GRIP1: variants seen among roughly 807,000 people sequenced by gnomAD.
GRIP1 encodes the protein glutamate receptor interacting protein 1.
GRIP1 carries 45 observed loss-of-function variants against 129.9 expected under a neutral mutation model. The observed-to-expected ratio is 0.35, with a 90% CI of 0.27 to 0.44. The LOEUF (loss-of-function observed/expected upper bound fraction) is 0.44. Among genes scored for constraint, GRIP1 ranks in the 20% least tolerant of loss-of-function variants. GRIP1 has a pLI of 1.00. For missense variants in GRIP1, 1,196 were observed against 1,396.8 expected, an observed-to-expected ratio of 0.86 and a Z score of 2.29; for synonymous variants, 530 against 520.8, an observed-to-expected ratio of 1.02 and a Z score of -0.24.
chr12:66,643,416 T>C (rs897318727), intron 1 of GRIP1, among the ~76,000 whole-genome samples: 1 of 152,242 alleles, frequency 6.6e-6, no homozygotes, highest in Admixed American at 6.5e-5. Context: ...CAAACTATTT[T>C]AATGACATGA....
At chr12:66,587,394 C>T (rs755770923) in intron 2 of GRIP1, among the ~76,000 whole-genome samples, 1 of 152,240 alleles carries the variant, frequency 6.6e-6, no homozygotes, top group East Asian at 1.9e-4. Flanking sequence ...TAACTTTCTG[C>T]TCCCACACTC....
intron 1 of GRIP1, among the ~76,000 whole-genome samples, chr12:66,696,804 CAAAAAAAAAAAAAAAA>C (rs35445606): frequency 0.17 from 18,065 of 104,414 alleles, 1,440 homozygotes; most frequent in East Asian, 0.27. Context: ...GACTCTGTCT[CAAAAAAAAAAAAAAAA>C]AAAAAAAAAA....
At position 66,945,083 on chromosome 12, in the gene GRIP1, G is replaced by A. The variant is rs571736850; in HGVS notation, c.58+123967C>T. 7.7e-4 allele frequency among the ~76,000 whole-genome samples: 118 copies of A among 152,274 alleles called. 1 individual carries two copies. The highest frequency in any genetic ancestry group is 2.5e-3 in the African/African-American group (104 of 41,546). On this transcript the variant is annotated intron_variant, in intron 1 of 1. Transcript: ENST00000643019. The stretch of plus-strand genomic sequence containing the variant: ...GCTGGGATTACAGATGTGAGCCACC[G>A]TGCCCAGCCTAAATTATGCAGGTTT...
chr12:66,778,537 T>C (rs1241031118), intron 1 of GRIP1, among the ~76,000 whole-genome samples: 2 of 152,128 alleles, frequency 1.3e-5, no homozygotes, highest in Non-Finnish European at 2.9e-5. Context: ...TGTATAAAGC[T>C]ACTATAAAAC....
intron 1 of GRIP1, among the ~76,000 whole-genome samples, chr12:66,710,397 C>A (rs759125940): frequency 6.6e-6 from 1 of 152,044 alleles, no homozygotes. Flanking sequence ...TATGGTTATC[C>A]TTTTTATGGG....
At chr12:66,655,970 G>A (rs139613150) in intron 1 of GRIP1, among the ~76,000 whole-genome samples, 243 of 152,276 alleles carry the variant, frequency 1.6e-3, no homozygotes, top group African/African-American at 5.5e-3. Context: ...TATATCATTT[G>A]AGGGAAATTA....
intron 1 of GRIP1, among the ~76,000 whole-genome samples, chr12:66,765,897 G>A (rs1267950772): frequency 6.6e-6 from 1 of 152,162 alleles, no homozygotes; most frequent in Non-Finnish European, 1.5e-5. Flanking sequence ...GAATGAACCA[G>A]GAGGAAATGA....
chr12:67,066,187 C>A (rs1273834518), intron 1 of GRIP1, among the ~76,000 whole-genome samples: 1 of 152,100 alleles, frequency 6.6e-6, no homozygotes, highest in Non-Finnish European at 1.5e-5. Context: ...CGAGATGAAC[C>A]CGAGTAATGA....
At position 66,724,398 on chromosome 12, in the gene GRIP1, G is replaced by A. The variant is rs145901926; in HGVS notation, c.-420+79655C>T. Among the ~76,000 whole-genome samples the A allele has an allele frequency of 6.5e-4, 99 of 152,326 alleles. 2 individuals carry two copies. The East Asian group carries it at 0.013, about 20-fold the overall frequency. On this transcript the variant is annotated intron_variant, in intron 1 of 4. Transcript: ENST00000538373. ...GCTGAGCTGCACTGAGCATCATGCT[G>A]CATGTTTTGGCTAACTGAGGCACAG...
chr12:66,760,586 C>T (rs776827301), intron 1 of GRIP1, among the ~76,000 whole-genome samples: 17 of 152,130 alleles, frequency 1.1e-4, no homozygotes, highest in Non-Finnish European at 1.5e-4. Context: ...AAAATACCAG[C>T]CCCCATGATT....
intron 11 of GRIP1, among the ~76,000 whole-genome samples, chr12:66,446,456 C>G (rs774913170): frequency 6.6e-6 from 1 of 152,156 alleles, no homozygotes; most frequent in Non-Finnish European, 1.5e-5. Context: ...TCATAACCCT[C>G]TTCAAAAGCC....
intron 1 of GRIP1, among the ~76,000 whole-genome samples, chr12:66,742,966 T>A (rs1328957887): frequency 1.3e-5 from 2 of 152,094 alleles, no homozygotes; most frequent in Non-Finnish European, 2.9e-5. Context: ...ACAGGTAGCA[T>A]TTAGAAAATG....
intron 19 of GRIP1, among the ~76,000 whole-genome samples, chr12:66,386,620 C>T (rs768112646): frequency 1.3e-5 from 2 of 151,762 alleles, no homozygotes; most frequent in South Asian, 2.1e-4. Flanking sequence ...GGTGACAGAG[C>T]GAGCCTCCGT....
At chr12:66,803,219 A>C (rs2038908147) in intron 1 of GRIP1, among the ~76,000 whole-genome samples, 2 of 152,246 alleles carry the variant, frequency 1.3e-5, no homozygotes, top group Non-Finnish European at 2.9e-5. Context: ...TTATTGAAGA[A>C]GACAAATAAA....
intron 1 of GRIP1, among the ~76,000 whole-genome samples, chr12:66,643,221 T>C (rs73325186): frequency 0.14 from 21,000 of 152,260 alleles, 1,605 homozygotes; most frequent in Middle Eastern, 0.19. Context: ...ACTTTTAAAA[T>C]GTGCGTTGGG....
chr12:66,400,147 C>A (rs1485194941), intron 16 of GRIP1, among the ~76,000 whole-genome samples: 1 of 151,826 alleles, frequency 6.6e-6, no homozygotes, highest in Non-Finnish European at 1.5e-5. Context: ...TGCAAATTCT[C>A]AAGTTTGCAT....
intron 1 of GRIP1, among the ~76,000 whole-genome samples, chr12:67,032,335 T>G (rs1205574413): frequency 1.3e-5 from 2 of 152,256 alleles, no homozygotes; most frequent in Non-Finnish European, 1.5e-5. Flanking sequence ...AACAAATATT[T>G]GTTAAAATGC....
chr12:66,913,944 C>T (rs1305554115), intron 1 of GRIP1, among the ~76,000 whole-genome samples: 10 of 152,104 alleles, frequency 6.6e-5, no homozygotes, highest in Non-Finnish European at 1.5e-4. Flanking sequence ...CTAGCCTGGA[C>T]TTGATAATGA....
Position 66,916,729 on chromosome 12 carries a change from A to G in GRIP1, c.58+152321T>C, listed in dbSNP as rs192347959. ...AAATATTAAAGGAGGCACAATAAGA[A>G]AAAAACAGCCAAGAAAGTCCAGGAA... On this transcript the variant is annotated intron_variant, in intron 1 of 1. Transcript: ENST00000643019. 1.5e-4 allele frequency among the ~76,000 whole-genome samples: 23 copies of G among 152,268 alleles called. No homozygotes were observed. In the East Asian group the frequency reaches 4.3e-3, roughly 28 times the overall value.
Sources: allele counts gnomAD v4.1 joint callset (sites outside exome capture counted in the v4.1 genomes callset), GRCh38; gene constraint gnomAD v4.1.1; transcripts MANE v1.5; gene names NCBI Gene and HGNC (gene_info 2026-07-23, HGNC 2026-07-21).